Variants in EYA4 observed in about 807,000 individuals in gnomAD.
EYA4 encodes the protein protein phosphatase EYA4.
In EYA4, 31 loss-of-function variants were observed where a neutral mutation model predicts 87.9. The observed-to-expected ratio is 0.35, with a 90% CI of 0.27 to 0.48. EYA4 has a LOEUF of 0.48. Among genes scored for constraint, EYA4 ranks in the 20% least tolerant of loss-of-function variants. The pLI, the probability that EYA4 is intolerant of heterozygous loss-of-function variation, is 0.99. For missense variants in EYA4, 678 were observed against 761.4 expected, an observed-to-expected ratio of 0.89 and a Z score of 1.29; for synonymous variants, 263 against 270.6, an observed-to-expected ratio of 0.97 and a Z score of 0.28.
At chr6:133,340,642 A>G (rs1436146181) in intron 2 of EYA4, among the ~76,000 whole-genome samples, 2 of 152,302 alleles carry the variant, frequency 1.3e-5, no homozygotes, top group East Asian at 3.9e-4. Flanking sequence ...GCTTGAGAAC[A>G]GAAAAGAAGC....
At chr6:133,434,921 T>C (rs890832837) in intron 3 of EYA4, among the ~76,000 whole-genome samples, 9 of 152,232 alleles carry the variant, frequency 5.9e-5, no homozygotes, top group Non-Finnish European at 1.0e-4. Flanking sequence ...TAGAGGAAAA[T>C]AATTTTCTGC....
intron 2 of EYA4, among the ~76,000 whole-genome samples, chr6:133,343,683 C>A (rs1002312331): frequency 6.6e-6 from 1 of 151,570 alleles, no homozygotes; most frequent in African/African-American, 2.4e-5. Context: ...AATAACACAC[C>A]ACATTACTAT....
chr6:133,257,472 A>G (rs2128238471), intron 1 of EYA4, among the ~76,000 whole-genome samples: 1 of 152,298 alleles, frequency 6.6e-6, no homozygotes, highest in East Asian at 1.9e-4. Flanking sequence ...TATGACTGAT[A>G]TTTATTTCTT....
At chr6:133,345,288 A>G (rs1045326722) in intron 2 of EYA4, among the ~76,000 whole-genome samples, 1 of 152,146 alleles carries the variant, frequency 6.6e-6, no homozygotes, top group African/African-American at 2.4e-5. Context: ...AGTTGCAGAT[A>G]TGATGAGATA....
intron 14 of EYA4, among the ~76,000 whole-genome samples, chr6:133,510,021 TA>T (rs1440305086): frequency 6.6e-6 from 1 of 152,134 alleles, no homozygotes; most frequent in African/African-American, 2.4e-5. Context: ...GGCATAAATT[TA>T]AAGAAAAGTT....
chr6:133,376,059 T>C (rs990155615), intron 2 of EYA4, among the ~76,000 whole-genome samples: 4 of 151,988 alleles, frequency 2.6e-5, no homozygotes, highest in Non-Finnish European at 5.9e-5. Flanking sequence ...ACATTAGAAA[T>C]GCCAACAAAG....
intron 2 of EYA4, among the ~76,000 whole-genome samples, chr6:133,302,439 T>C (rs1227522484): frequency 3.3e-5 from 5 of 152,238 alleles, no homozygotes; most frequent in Non-Finnish European, 7.3e-5. Flanking sequence ...ATAACACTTT[T>C]GGCAGTATAT....
intron 2 of EYA4, among the ~76,000 whole-genome samples, chr6:133,303,782 C>G (rs1280135203): frequency 1.3e-5 from 2 of 152,192 alleles, no homozygotes; most frequent in African/African-American, 4.8e-5. Context: ...TCACTTGATT[C>G]ATGCCATCTT....
At chr6:133,277,897 G>A (rs555934525) in intron 2 of EYA4, among the ~76,000 whole-genome samples, 15 of 152,178 alleles carry the variant, frequency 9.9e-5, no homozygotes, top group South Asian at 8.3e-4. Context: ...CTTTTTGCTC[G>A]AGCTCCCTTA....
intron 3 of EYA4, among the ~76,000 whole-genome samples, chr6:133,407,790 A>G (rs1307845055): frequency 6.6e-6 from 1 of 152,200 alleles, no homozygotes; most frequent in Non-Finnish European, 1.5e-5. Context: ...TTCCTTATAA[A>G]GGTATTTCTT....
intron 2 of EYA4, among the ~76,000 whole-genome samples, chr6:133,305,162 CAA>C (rs981366972): frequency 7.2e-5 from 11 of 152,104 alleles, no homozygotes; most frequent in Admixed American, 2.0e-4. Flanking sequence ...TTGAGAAATG[CAA>C]AGAGTCATGA....
chr6:133,254,530 A>C (rs1273659647), intron 1 of EYA4, among the ~76,000 whole-genome samples: 1 of 152,180 alleles, frequency 6.6e-6, no homozygotes, highest in African/African-American at 2.4e-5. Flanking sequence ...AGACCCTTCA[A>C]AAACCACCAA....
At chr6:133,331,905 A>G (rs896361083) in intron 2 of EYA4, among the ~76,000 whole-genome samples, 4 of 152,336 alleles carry the variant, frequency 2.6e-5, no homozygotes, top group Non-Finnish European at 4.4e-5. Flanking sequence ...GGTATCAGCT[A>G]TAGGTATGTT....
chr6:133,375,004 TA>T (rs1444430171), intron 2 of EYA4, among the ~76,000 whole-genome samples: 1 of 152,040 alleles, frequency 6.6e-6, no homozygotes, highest in Non-Finnish European at 1.5e-5. Flanking sequence ...AAAACAGAGA[TA>T]TATTTTTTAA....
At chr6:133,315,718 G>A (rs1221975656) in intron 2 of EYA4, among the ~76,000 whole-genome samples, 2 of 152,314 alleles carry the variant, frequency 1.3e-5, no homozygotes, top group East Asian at 1.9e-4. Flanking sequence ...GCTTGTGGAA[G>A]TGAATGATGG....
intron 2 of EYA4, among the ~76,000 whole-genome samples, chr6:133,275,793 G>A (rs1425862171): frequency 1.3e-5 from 2 of 151,898 alleles, no homozygotes; most frequent in East Asian, 3.9e-4. Flanking sequence ...CCTTTAATTT[G>A]GATAGACATG....
intron 2 of EYA4, among the ~76,000 whole-genome samples, chr6:133,282,485 C>T (rs1582838929): frequency 6.6e-6 from 1 of 152,214 alleles, no homozygotes; most frequent in East Asian, 1.9e-4. Context: ...AGATTCAGCA[C>T]AAGATTTCAT....
intron 2 of EYA4, among the ~76,000 whole-genome samples, chr6:133,307,149 G>C (rs940946796): frequency 2.6e-5 from 4 of 152,198 alleles, no homozygotes; most frequent in African/African-American, 9.6e-5. Flanking sequence ...TTCATTAGGA[G>C]CCTCCTAGCA....
intron 2 of EYA4, among the ~76,000 whole-genome samples, chr6:133,348,582 G>T (rs1314328270): frequency 6.6e-6 from 1 of 151,844 alleles, no homozygotes; most frequent in African/African-American, 2.4e-5. Context: ...TTTAATGTTG[G>T]ATACTCCTTT....
Sources: gnomAD v4.1 joint callset for allele counts (sites outside exome capture counted in the v4.1 genomes callset) on GRCh38, gnomAD v4.1.1 for gene constraint, MANE v1.5 for transcripts, NCBI Gene and HGNC (gene_info 2026-07-23, HGNC 2026-07-21) for gene names.